EXOC6B: variants seen among roughly 807,000 people sequenced by gnomAD.
EXOC6B encodes the protein SEC15 homolog B.
EXOC6B carries 54 observed loss-of-function variants against 113.5 expected under a neutral mutation model. That is an observed-to-expected ratio of 0.48 (90% CI 0.38 to 0.60). The LOEUF is 0.60. Among genes scored for constraint, EXOC6B ranks in the 20% least tolerant of loss-of-function variants. EXOC6B has a pLI of 0.00. For missense variants in EXOC6B, 797 were observed against 977.5 expected (o/e 0.82, Z 2.46); for synonymous variants, 357 against 339.0 (o/e 1.05, Z -0.58).
intron 19 of EXOC6B, among the ~76,000 whole-genome samples, chr2:72,347,694 T>C (rs944941475): frequency 6.6e-6 from 1 of 152,166 alleles, no homozygotes; most frequent in African/African-American, 2.4e-5. Context: ...TTGTATTCTT[T>C]CAAAATCCAG....
intron 18 of EXOC6B, among the ~76,000 whole-genome samples, chr2:72,452,618 G>A (rs1468558167): frequency 6.6e-6 from 1 of 152,128 alleles, no homozygotes; most frequent in East Asian, 1.9e-4. Flanking sequence ...TTCTGAGAAG[G>A]AAAACCATGA....
intron 20 of EXOC6B, among the ~76,000 whole-genome samples, chr2:72,246,019 A>G (rs1682632708): frequency 1.3e-5 from 2 of 152,184 alleles, no homozygotes; most frequent in Admixed American, 1.3e-4. Context: ...CAAATGTACC[A>G]GTCTTTGCCA....
At position 72,222,896 on chromosome 2, in the gene EXOC6B, C is replaced by T. The variant is rs118100848; in HGVS notation, c.2197-38709G>A. Among the ~76,000 whole-genome samples the T allele has an allele frequency of 1.6e-3, 251 of 152,208 alleles. 5 individuals carry two copies. In the East Asian group the frequency reaches 0.036, roughly 22 times the overall value. On this transcript the variant is annotated intron_variant, in intron 20 of 21. Transcript: ENST00000272427. The stretch of plus-strand genomic sequence containing the variant: ...AACTAAAGCAATAAGGTGAGGCTGA[C>T]GGCTAAGGCACTGAGGAGGTACTTT...
At position 72,410,312 on chromosome 2, in the gene EXOC6B, C is replaced by T. The variant is rs192550285; in HGVS notation, c.1981-30442G>A. ...ATGGGTACCATGGTTCTTGATGGAACGTTTCTGAAAATTTGTTCTCCTTTT... is the reference window on the plus strand; with the variant it reads ...ATGGGTACCATGGTTCTTGATGGAATGTTTCTGAAAATTTGTTCTCCTTTT... On this transcript the variant is annotated intron_variant, in intron 18 of 21. Transcript: ENST00000272427. 1.3e-3 allele frequency among the ~76,000 whole-genome samples: 191 copies of T among 152,220 alleles called. 1 individual carries two copies. Among genetic ancestry groups the T allele is most frequent in the African/African-American group, 4.5e-3 (185 of 41,550 alleles).
At chr2:72,189,775 CTCCTTTCCTT>C (rs745642090) in intron 20 of EXOC6B, among the ~76,000 whole-genome samples, 1 of 136,078 alleles carries the variant, frequency 7.3e-6, no homozygotes, top group East Asian at 2.5e-4. Flanking sequence ...CCTTTCTTTT[CTCCTTTCCTT>C]TCCTTTCCTT....
At chr2:72,647,319 G>A (rs1047014098) in intron 6 of EXOC6B, among the ~76,000 whole-genome samples, 1 of 152,034 alleles carries the variant, frequency 6.6e-6, no homozygotes, top group African/African-American at 2.4e-5. Flanking sequence ...TCATAGATAG[G>A]AAGAATCAAT....
chr2:72,403,885 C>T (rs927828623), intron 18 of EXOC6B, among the ~76,000 whole-genome samples: 2 of 152,006 alleles, frequency 1.3e-5, no homozygotes, highest in Non-Finnish European at 1.5e-5. Context: ...TGCAGTACAC[C>T]GAGCATGACC....
rs537837106 is a variant in EXOC6B at position 72,464,832 on chromosome 2, A to G, written c.1980+328T>C. 1.7e-5 allele frequency: 5 copies of G among 301,600 alleles called. No individual in the cohort carries two copies. In the South Asian group the frequency reaches 6.8e-4, roughly 41 times the overall value. The allele number at this position is 301,600 out of a possible 1,614,324, so 18.7% of individuals were successfully genotyped here. On this transcript the variant is annotated intron_variant, in intron 18 of 21. Coordinates refer to ENST00000272427, the MANE Select transcript of EXOC6B (RefSeq NM_015189.3). ...AGTTAAAGAATATTCTAAAACTAAAATATACATATCTGAAATTCTAACTAA... is the reference window on the plus strand; with the variant it reads ...AGTTAAAGAATATTCTAAAACTAAAGTATACATATCTGAAATTCTAACTAA...
At chr2:72,391,080 A>G (rs774617652) in intron 18 of EXOC6B, among the ~76,000 whole-genome samples, 1 of 152,150 alleles carries the variant, frequency 6.6e-6, no homozygotes, top group Non-Finnish European at 1.5e-5. Context: ...CCTTTCTTGC[A>G]CTGCAGTGTT....
intron 7 of EXOC6B, among the ~76,000 whole-genome samples, chr2:72,562,248 C>T (rs563330831): frequency 1.3e-4 from 20 of 151,936 alleles, no homozygotes; most frequent in Non-Finnish European, 2.8e-4. Flanking sequence ...TGAAGGAATG[C>T]TACAGGTTTG....
intron 20 of EXOC6B, among the ~76,000 whole-genome samples, chr2:72,211,914 T>C (rs1680219555): frequency 1.3e-5 from 2 of 152,156 alleles, no homozygotes; most frequent in African/African-American, 4.8e-5. Flanking sequence ...TGATTCTCAA[T>C]GGTGGACTTT....
At chr2:72,606,288 G>T (rs758589433) in intron 6 of EXOC6B, among the ~76,000 whole-genome samples, 1 of 151,648 alleles carries the variant, frequency 6.6e-6, no homozygotes, top group Non-Finnish European at 1.5e-5. Flanking sequence ...TAAGATAAAC[G>T]GATTTTTATA....
At chr2:72,469,369 T>A (rs1698258120) in intron 17 of EXOC6B, among the ~76,000 whole-genome samples, 1 of 152,126 alleles carries the variant, frequency 6.6e-6, no homozygotes, top group African/African-American at 2.4e-5. Context: ...CTTTGCCTAG[T>A]TTCCTACGGT....
chr2:72,253,532 A>G (rs1683155255), intron 20 of EXOC6B, among the ~76,000 whole-genome samples: 1 of 152,256 alleles, frequency 6.6e-6, no homozygotes, highest in South Asian at 2.1e-4. Flanking sequence ...GAATGAGATC[A>G]TGTCCTTTGC....
chr2:72,434,900 T>A (rs112989626), intron 18 of EXOC6B, among the ~76,000 whole-genome samples: 1 of 152,168 alleles, frequency 6.6e-6, no homozygotes, highest in Non-Finnish European at 1.5e-5. Flanking sequence ...CATGTCTCTA[T>A]CTCCTTCAGT....
intron 18 of EXOC6B, among the ~76,000 whole-genome samples, chr2:72,428,201 G>T (rs1244530029): frequency 1.3e-5 from 2 of 152,170 alleles, no homozygotes; most frequent in Admixed American, 6.5e-5. Flanking sequence ...AAATGGCATG[G>T]CTAAAAGAGC....
At chr2:72,487,737 C>T (rs1356759816) in intron 16 of EXOC6B, among the ~76,000 whole-genome samples, 1 of 152,148 alleles carries the variant, frequency 6.6e-6, no homozygotes, top group Non-Finnish European at 1.5e-5. Flanking sequence ...AATGTTTTCC[C>T]ATGCTTAGAC....
intron 19 of EXOC6B, among the ~76,000 whole-genome samples, chr2:72,336,235 C>T (rs1238124645): frequency 6.6e-6 from 1 of 152,166 alleles, no homozygotes; most frequent in African/African-American, 2.4e-5. Context: ...TCATATTCTT[C>T]TTTTGCAATC....
chr2:72,535,854 GA>G (rs1307110335), intron 8 of EXOC6B, among the ~76,000 whole-genome samples: 1 of 139,022 alleles, frequency 7.2e-6, no homozygotes, highest in African/African-American at 2.6e-5. Context: ...TGGGCAACGA[GA>G]GCAAAATTCT....
Sources: gnomAD v4.1 joint callset for allele counts (sites outside exome capture counted in the v4.1 genomes callset) on GRCh38, gnomAD v4.1.1 for gene constraint, MANE v1.5 for transcripts, NCBI Gene and HGNC (gene_info 2026-07-23, HGNC 2026-07-21) for gene names.